The following ZFHX3 variants were observed in gnomAD, a reference collection of about 807,000 sequenced individuals.
ZFHX3 encodes the protein zinc finger homeobox 3.
In ZFHX3, 42 loss-of-function variants were observed where a neutral mutation model predicts 279.1. The observed-to-expected ratio is 0.15, with a 90% CI of 0.12 to 0.19. The LOEUF is 0.19. Ranked by LOEUF, ZFHX3 falls within the 10% of genes least tolerant of loss-of-function variation. The pLI is 1.00. For synonymous variants in ZFHX3, 2,293 were observed against 1,957.8 expected (o/e 1.17, Z -4.52); for missense variants, 4,981 against 4,754.0 (o/e 1.05, Z -1.40).
At chr16:72,968,619 C>T (rs1030914297) in intron 1 of ZFHX3, among the ~76,000 whole-genome samples, 5 of 151,960 alleles carry the variant, frequency 3.3e-5, no homozygotes, top group Non-Finnish European at 7.4e-5. Context: ...CACCACCACG[C>T]CTGGCTAATT....
intron 2 of ZFHX3, among the ~76,000 whole-genome samples, chr16:73,655,956 C>T (rs1226563403): frequency 6.6e-6 from 1 of 152,176 alleles, no homozygotes; most frequent in East Asian, 1.9e-4. Flanking sequence ...AAATCCCTAA[C>T]TGAAAACAAC....
At chr16:73,642,412 T>G (rs1481282054) in intron 2 of ZFHX3, among the ~76,000 whole-genome samples, 2 of 152,206 alleles carry the variant, frequency 1.3e-5, no homozygotes, top group Non-Finnish European at 2.9e-5. Context: ...CATATTGACA[T>G]GCTCAGTGAC....
At chr16:72,871,133 GTACAT>G (rs1478016271) in intron 4 of ZFHX3, among the ~76,000 whole-genome samples, 1 of 152,142 alleles carries the variant, frequency 6.6e-6, no homozygotes, top group African/African-American at 2.4e-5. Context: ...ACTATGTAAA[GTACAT>G]TACTTTTCTA....
At chr16:73,067,235 C>CT (rs1965766483) in intron 8 of ZFHX3, among the ~76,000 whole-genome samples, 1 of 152,234 alleles carries the variant, frequency 6.6e-6, no homozygotes, top group Non-Finnish European at 1.5e-5. Context: ...GCCGACCCCT[C>CT]TTTCCGCAGC....
chr16:72,796,270 G>T lies in ZFHX3; in HGVS notation c.6412C>A (p.Pro2138Thr), dbSNP rs750269306. 1 of 1,614,094 alleles carries T rather than the reference G, an allele frequency of 6.2e-7. No homozygotes were observed. The highest frequency in any genetic ancestry group is 1.1e-5 in the South Asian group (1 of 91,072). The change falls in exon 9 of 10, where the codon CCA becomes ACA. Residue 2138 changes from proline (P) to threonine (T), a missense_variant. Transcript: ENST00000268489. ...LAQLYQHQLNPTLLQQQNKRP... is the reference protein window; with the variant it reads ...LAQLYQHQLNTTLLQQQNKRP... ...TTGTTCTGCTGCTGGAGCAGGGTTG[G>T]ATTGAGCTGATGCTGGTAGAGTTGG...
At position 72,798,367 on chromosome 16, in the gene ZFHX3, G is replaced by C. The variant is rs1168398156; in HGVS notation, c.4315C>G (p.Arg1439Gly). 8 of 1,614,196 alleles carry C rather than the reference G, an allele frequency of 5.0e-6. No homozygotes were observed. Among genetic ancestry groups the C allele is most frequent in the Non-Finnish European group, 6.8e-6 (8 of 1,180,038 alleles). The change falls in exon 9 of 10, where the codon CGA becomes GGA. Residue 1439 changes from arginine (R) to glycine (G), a missense_variant. This residue lies in a region of ZFHX3 where 1,751 missense variants were observed against 1,770.0 expected (regional missense o/e 0.99). Coordinates refer to ENST00000268489, the MANE Select transcript of ZFHX3 (RefSeq NM_006885.4). ...TGCTTCTTCAGAGCCTGGAAAGTTC[G>C]GAAACTGCGCTGACAAAGACAGCAC... ...TMCCLCQRSFRTFQALKKHLE... is the reference protein window; with the variant it reads ...TMCCLCQRSFGTFQALKKHLE...
intron 1 of ZFHX3, among the ~76,000 whole-genome samples, chr16:72,975,268 AC>A (rs1433652774): frequency 6.6e-6 from 1 of 151,960 alleles, no homozygotes; most frequent in Non-Finnish European, 1.5e-5. Flanking sequence ...ATAGTGAAAC[AC>A]CCTCTATACT....
At chr16:73,159,002 T>C (rs535936705) in intron 5 of ZFHX3, among the ~76,000 whole-genome samples, 185 of 152,232 alleles carry the variant, frequency 1.2e-3, no homozygotes, top group African/African-American at 4.2e-3. Flanking sequence ...GCAGTACCAC[T>C]CTGGACATAG....
chr16:73,478,410 T>C (rs2018807047), intron 2 of ZFHX3, among the ~76,000 whole-genome samples: 2 of 152,186 alleles, frequency 1.3e-5, no homozygotes, highest in Admixed American at 6.5e-5. Flanking sequence ...CTAGTTTATT[T>C]TAATGCAGTA....
At chr16:72,853,516 C>A (rs189552438) in intron 4 of ZFHX3, among the ~76,000 whole-genome samples, 41 of 152,344 alleles carry the variant, frequency 2.7e-4, no homozygotes, top group African/African-American at 7.9e-4. Flanking sequence ...AACTGGAGAT[C>A]GATGCTGCAT....
chr16:73,271,561 CT>C lies in ZFHX3; in HGVS notation c.-1193-14426del, dbSNP rs1271369317. On this transcript the variant is annotated intron_variant, in intron 4 of 17. Coordinates refer to the ZFHX3 transcript ENST00000641206. ...TCGGCCACTGACCAGCTTTGTGCCC[CT>C]GGACATGTTCCTTAACCTCCCTGTC... 2.0e-5 allele frequency among the ~76,000 whole-genome samples: 3 copies of C among 152,224 alleles called. No individual in the cohort carries two copies. In the East Asian group the frequency reaches 5.8e-4, roughly 29 times the overall value.
In ZFHX3 at chr16:72,889,803, T is replaced by C; in HGVS notation, c.3376A>G (p.Lys1126Glu). Residue 1126 changes from lysine (K) to glutamate (E), a missense_variant, in exon 4 of 10, where the codon AAG becomes GAG. Lys to Glu is a moderately conservative substitution (Grantham distance 56). Transcript: ENST00000268489. Reference protein sequence around the residue: ...ESLRKLQRLQKGLPEEDEDLG... With the variant: ...ESLRKLQRLQEGLPEEDEDLG... ...TCCTCGTCCTCCTCTGGAAGGCCCT[T>C]CTGCAGCCGCTGCAGCTTTCGCAGG... The C allele has an allele frequency of 6.2e-7, 1 of 1,613,778 alleles. No homozygotes were observed. The highest frequency in any genetic ancestry group is 8.5e-7 in the Non-Finnish European group (1 of 1,180,044).
At chr16:73,031,012 C>G (rs1781932403) in intron 1 of ZFHX3, among the ~76,000 whole-genome samples, 1 of 152,220 alleles carries the variant, frequency 6.6e-6, no homozygotes, top group Non-Finnish European at 1.5e-5. Flanking sequence ...CTCCATTCTA[C>G]TGCAGCCAGA....
At chr16:73,153,690 G>A (rs778939145) in intron 5 of ZFHX3, among the ~76,000 whole-genome samples, 1 of 151,624 alleles carries the variant, frequency 6.6e-6, no homozygotes, top group Admixed American at 6.6e-5. Flanking sequence ...TAGTCCTGTC[G>A]CCAGGCTGGA....
chr16:73,805,759 T>A (rs1320203982), intron 1 of ZFHX3, among the ~76,000 whole-genome samples: 1 of 152,202 alleles, frequency 6.6e-6, no homozygotes, highest in Non-Finnish European at 1.5e-5. Flanking sequence ...CACAAAAAGA[T>A]GCACGTATAA....
chr16:73,812,185 G>A (rs990869726), intron 1 of ZFHX3, among the ~76,000 whole-genome samples: 7 of 152,122 alleles, frequency 4.6e-5, no homozygotes, highest in Admixed American at 1.3e-4. Flanking sequence ...GTATTCTCTA[G>A]GTACGAATTT....
At chr16:73,659,905 A>T (rs1277396120) in intron 2 of ZFHX3, among the ~76,000 whole-genome samples, 1 of 152,186 alleles carries the variant, frequency 6.6e-6, no homozygotes, top group African/African-American at 2.4e-5. Flanking sequence ...ATGGATTGAA[A>T]AAAAATTTTA....
chr16:72,865,926 A>G (rs2038009736), intron 4 of ZFHX3, among the ~76,000 whole-genome samples: 1 of 152,176 alleles, frequency 6.6e-6, no homozygotes, highest in African/African-American at 2.4e-5. Context: ...AAGATTCCAC[A>G]TGCCACCGGG....
At chr16:73,266,722 T>C (rs2013986721) in intron 4 of ZFHX3, among the ~76,000 whole-genome samples, 1 of 152,228 alleles carries the variant, frequency 6.6e-6, no homozygotes, top group Non-Finnish European at 1.5e-5. Context: ...TTTTCTGTGC[T>C]GTTCTCATGA....
Sources: allele counts gnomAD v4.1 joint callset (sites outside exome capture counted in the v4.1 genomes callset), GRCh38; gene constraint gnomAD v4.1.1; regional missense constraint gnomAD v4.1.1; transcripts MANE v1.5; gene names NCBI Gene and HGNC (gene_info 2026-07-23, HGNC 2026-07-21).